Variants in LRRTM4 observed in about 807,000 individuals in gnomAD.
LRRTM4 encodes the protein leucine rich repeat transmembrane neuronal 4.
LRRTM4 carries 25 observed loss-of-function variants against 47.6 expected under a neutral mutation model. That is an observed-to-expected ratio of 0.53 (90% CI 0.38 to 0.73). The LOEUF (loss-of-function observed/expected upper bound fraction) is 0.73. Among genes scored for constraint, LRRTM4 ranks in the 30% least tolerant of loss-of-function variants. The pLI is 0.00. For missense variants in LRRTM4, 638 were observed against 713.4 expected (o/e 0.89, Z 1.20); for synonymous variants, 311 against 269.5 (o/e 1.15, Z -1.51).
Position 76,865,645 on chromosome 2 carries a change from AATG to A in LRRTM4, c.1552-116732_1552-116730del, listed in dbSNP as rs1163506393. Among the ~76,000 whole-genome samples, 10 of 151,658 alleles carry A rather than the reference AATG, an allele frequency of 6.6e-5. No individual in the cohort carries two copies. The South Asian group carries it at 1.9e-3, about 28-fold the overall frequency. On this transcript the variant is annotated intron_variant, in intron 3 of 3. Coordinates refer to ENST00000409884, the MANE Select transcript of LRRTM4 (RefSeq NM_001134745.3). ...CTCCTTCCTATAATTCCTAAGATATAATGATATTTTAGAATAAAAGGAATCTCT... is the reference window on the plus strand; with the variant it reads ...CTCCTTCCTATAATTCCTAAGATATAATATTTTAGAATAAAAGGAATCTCT...
At chr2:77,258,409 T>C (rs910075729) in intron 3 of LRRTM4, among the ~76,000 whole-genome samples, 3 of 152,052 alleles carry the variant, frequency 2.0e-5, no homozygotes, top group Non-Finnish European at 2.9e-5. Flanking sequence ...AATGTACTCA[T>C]GCAATAAAAT....
chr2:76,896,455 T>C (rs947731006), intron 3 of LRRTM4, among the ~76,000 whole-genome samples: 1 of 152,012 alleles, frequency 6.6e-6, no homozygotes, highest in Non-Finnish European at 1.5e-5. Flanking sequence ...TTTTGTCCTA[T>C]TCTATGAAAA....
intron 3 of LRRTM4, among the ~76,000 whole-genome samples, chr2:77,479,852 T>C (rs1426115262): frequency 6.6e-6 from 1 of 152,206 alleles, no homozygotes; most frequent in Non-Finnish European, 1.5e-5. Flanking sequence ...TGCATGCTTT[T>C]TCTTCTCACA....
intron 3 of LRRTM4, among the ~76,000 whole-genome samples, chr2:77,294,277 C>G (rs746720683): frequency 1.4e-5 from 2 of 145,314 alleles, no homozygotes; most frequent in Non-Finnish European, 2.9e-5. Flanking sequence ...AGGAAAATGA[C>G]TCTGGAACAT....
intron 3 of LRRTM4, among the ~76,000 whole-genome samples, chr2:76,842,263 C>T (rs77308099): frequency 0.012 from 1,816 of 152,232 alleles, 31 homozygotes; most frequent in African/African-American, 0.037. Context: ...GGATTAGAAT[C>T]CATTGGCTCT....
chr2:77,237,926 G>C (rs1225183234), intron 3 of LRRTM4, among the ~76,000 whole-genome samples: 1 of 152,080 alleles, frequency 6.6e-6, no homozygotes, highest in Non-Finnish European at 1.5e-5. Context: ...TCTGGATCCA[G>C]GTTCTTTATA....
intron 3 of LRRTM4, among the ~76,000 whole-genome samples, chr2:77,383,661 C>T (rs910082643): frequency 2.0e-5 from 3 of 151,978 alleles, no homozygotes; most frequent in Non-Finnish European, 4.4e-5. Context: ...TTAATACACA[C>T]AAAAATTCTA....
intron 3 of LRRTM4, among the ~76,000 whole-genome samples, chr2:76,978,172 G>A (rs184081241): frequency 5.3e-5 from 8 of 151,860 alleles, no homozygotes; most frequent in East Asian, 2.0e-4. Flanking sequence ...TCTCCCCCTT[G>A]GCCTACAAAC....
chr2:77,186,209 A>C (rs1382086525), intron 3 of LRRTM4, among the ~76,000 whole-genome samples: 2 of 152,130 alleles, frequency 1.3e-5, no homozygotes, highest in African/African-American at 4.8e-5. Flanking sequence ...TGTGCCCCTG[A>C]GATGTCCACA....
chr2:77,329,883 G>A (rs750219549), intron 3 of LRRTM4, among the ~76,000 whole-genome samples: 3 of 152,156 alleles, frequency 2.0e-5, no homozygotes, highest in South Asian at 2.1e-4. Flanking sequence ...CGGTGAATGC[G>A]TTACAGGGGT....
intron 3 of LRRTM4, among the ~76,000 whole-genome samples, chr2:77,081,816 T>C (rs1680543801): frequency 1.3e-5 from 2 of 152,274 alleles, no homozygotes; most frequent in South Asian, 2.1e-4. Flanking sequence ...CAACTAAATA[T>C]CCTTTTAGAC....
At chr2:76,939,472 G>A (rs141990347) in intron 3 of LRRTM4, among the ~76,000 whole-genome samples, 65 of 151,948 alleles carry the variant, frequency 4.3e-4, no homozygotes, top group Middle Eastern at 3.4e-3. Context: ...TGAAAAAATC[G>A]TCTGGCCAGA....
At chr2:77,345,445 T>C (rs1298612300) in intron 3 of LRRTM4, among the ~76,000 whole-genome samples, 1 of 151,640 alleles carries the variant, frequency 6.6e-6, no homozygotes, top group Non-Finnish European at 1.5e-5. Flanking sequence ...TTCTAAAAAC[T>C]CAACAGTAAG....
intron 3 of LRRTM4, among the ~76,000 whole-genome samples, chr2:77,329,787 G>C (rs542635465): frequency 6.6e-6 from 1 of 152,154 alleles, no homozygotes; most frequent in East Asian, 1.9e-4. Context: ...GTGGAGAAGA[G>C]AGTGAAGGAT....
intron 3 of LRRTM4, among the ~76,000 whole-genome samples, chr2:76,810,899 A>AT (rs1385002165): frequency 2.6e-5 from 4 of 152,184 alleles, no homozygotes; most frequent in Non-Finnish European, 5.9e-5. Flanking sequence ...CCATTGACAC[A>AT]TACTGTGGGT....
At chr2:76,964,423 G>A (rs766650308) in intron 3 of LRRTM4, among the ~76,000 whole-genome samples, 88 of 150,838 alleles carry the variant, frequency 5.8e-4, no homozygotes, top group Non-Finnish European at 1.0e-3. Flanking sequence ...ACTATCAAAA[G>A]TCAGAGCAGC....
intron 3 of LRRTM4, among the ~76,000 whole-genome samples, chr2:77,300,102 G>A (rs1677091525): frequency 6.6e-6 from 1 of 151,884 alleles, no homozygotes; most frequent in Admixed American, 6.6e-5. Context: ...TACCTGCCTC[G>A]GCCTCCCAAA....
At chr2:77,398,297 A>G (rs1360665624) in intron 3 of LRRTM4, among the ~76,000 whole-genome samples, 1 of 151,988 alleles carries the variant, frequency 6.6e-6, no homozygotes, top group Non-Finnish European at 1.5e-5. Context: ...GGTCTAGAAC[A>G]TCTTCACTGA....
chr2:76,892,697 G>A (rs1459336082), intron 3 of LRRTM4, among the ~76,000 whole-genome samples: 3 of 151,554 alleles, frequency 2.0e-5, no homozygotes, highest in Admixed American at 6.6e-5. Context: ...AATGCACTTA[G>A]GAAAAGTTGG....
Sources: allele counts gnomAD v4.1 joint callset (sites outside exome capture counted in the v4.1 genomes callset), GRCh38; gene constraint gnomAD v4.1.1; transcripts MANE v1.5; gene names NCBI Gene and HGNC (gene_info 2026-07-23, HGNC 2026-07-21).